THSD7B: variants seen among roughly 807,000 people sequenced by gnomAD.
THSD7B encodes thrombospondin type-1 domain-containing protein 7B.
THSD7B carries 138 observed loss-of-function variants against 213.6 expected under a neutral mutation model. The observed-to-expected ratio is 0.65, with a 90% CI of 0.56 to 0.74. The LOEUF (loss-of-function observed/expected upper bound fraction) is 0.74. THSD7B is among the 30% of genes least tolerant of loss of function. The pLI is 0.00. For missense variants in THSD7B, 1,931 were observed against 1,991.5 expected (o/e 0.97, Z 0.58); for synonymous variants, 742 against 687.0 (o/e 1.08, Z -1.25).
At chr2:137,408,286 C>T (rs957185972) in intron 13 of THSD7B, among the ~76,000 whole-genome samples, 2 of 151,982 alleles carry the variant, frequency 1.3e-5, no homozygotes, top group Non-Finnish European at 2.9e-5. Flanking sequence ...TTTCTTTTTT[C>T]TCCTCCTCCC....
At chr2:137,484,017 TTTTTA>T (rs1319014834) in intron 15 of THSD7B, among the ~76,000 whole-genome samples, 1 of 149,418 alleles carries the variant, frequency 6.7e-6, no homozygotes, top group Non-Finnish European at 1.5e-5. Flanking sequence ...GTTTCTTTTT[TTTTTA>T]TTTTATTATT....
chr2:137,109,243 A>T (rs2104932844), intron 4 of THSD7B, among the ~76,000 whole-genome samples: 1 of 152,202 alleles, frequency 6.6e-6, no homozygotes, highest in Admixed American at 6.5e-5. Flanking sequence ...TTAAAATCAC[A>T]TCATCATGTT....
intron 12 of THSD7B, among the ~76,000 whole-genome samples, chr2:137,291,695 TTACTG>T (rs1683343134): frequency 6.6e-6 from 1 of 152,158 alleles, no homozygotes; most frequent in Non-Finnish European, 1.5e-5. Context: ...TCTATCAGCT[TTACTG>T]TATAGTGTGC....
intron 15 of THSD7B, among the ~76,000 whole-genome samples, chr2:137,553,433 A>G (rs915428030): frequency 6.6e-6 from 1 of 152,208 alleles, no homozygotes; most frequent in Non-Finnish European, 1.5e-5. Context: ...AGTATCAGAA[A>G]GCAGTACTTA....
At chr2:137,105,092 A>G (rs1688221859) in intron 4 of THSD7B, among the ~76,000 whole-genome samples, 1 of 152,230 alleles carries the variant, frequency 6.6e-6, no homozygotes, top group South Asian at 2.1e-4. Context: ...AAAACCTGGC[A>G]GAGACACAAC....
intron 12 of THSD7B, among the ~76,000 whole-genome samples, chr2:137,298,961 G>T (rs1206102700): frequency 1.3e-5 from 2 of 152,150 alleles, no homozygotes; most frequent in Non-Finnish European, 2.9e-5. Context: ...GCACTGCCTA[G>T]TGGAGCTGTG....
intron 15 of THSD7B, among the ~76,000 whole-genome samples, chr2:137,493,459 A>G (rs997332913): frequency 6.6e-6 from 1 of 152,170 alleles, no homozygotes; most frequent in Non-Finnish European, 1.5e-5. Context: ...TTGTCCTAAG[A>G]GCCAAGTCCT....
chr2:137,619,416 G>C (rs1036311052), intron 19 of THSD7B, among the ~76,000 whole-genome samples: 4 of 152,208 alleles, frequency 2.6e-5, no homozygotes, highest in African/African-American at 9.7e-5. Context: ...TAAACCAACA[G>C]AGTAGCTGCA....
intron 7 of THSD7B, among the ~76,000 whole-genome samples, chr2:137,202,709 G>A (rs2217840): frequency 0.59 from 89,894 of 152,050 alleles, 26,939 homozygotes; most frequent in South Asian, 0.71. Flanking sequence ...GGCTCCATGA[G>A]TTGACACAGA....
At chr2:137,582,852 C>A (rs1027843392) in intron 17 of THSD7B, among the ~76,000 whole-genome samples, 1 of 152,102 alleles carries the variant, frequency 6.6e-6, no homozygotes, top group African/African-American at 2.4e-5. Flanking sequence ...TGGGTGTATA[C>A]CCAGTAATGG....
intron 17 of THSD7B, among the ~76,000 whole-genome samples, chr2:137,589,875 A>G (rs2104812105): frequency 6.6e-6 from 1 of 152,272 alleles, no homozygotes; most frequent in Middle Eastern, 3.4e-3. Context: ...CACAATTATT[A>G]TGACTGTTAG....
intron 15 of THSD7B, among the ~76,000 whole-genome samples, chr2:137,498,067 C>T (rs1023556832): frequency 6.6e-6 from 1 of 152,146 alleles, no homozygotes; most frequent in African/African-American, 2.4e-5. Context: ...ATTAAATAAT[C>T]CAAGGCATAT....
At chr2:137,622,005 T>G (rs1056910836) in intron 20 of THSD7B, among the ~76,000 whole-genome samples, 2 of 152,134 alleles carry the variant, frequency 1.3e-5, no homozygotes, top group Non-Finnish European at 2.9e-5. Context: ...GTTGCAGGAA[T>G]GAATCTATCC....
At chr2:136,890,217 G>A (rs1320725260) in intron 2 of THSD7B, among the ~76,000 whole-genome samples, 1 of 151,540 alleles carries the variant, frequency 6.6e-6, no homozygotes, top group Non-Finnish European at 1.5e-5. Flanking sequence ...TATGCTTTGA[G>A]GTAAGCCTGT....
At chr2:137,358,808 A>G (rs1685190619) in intron 12 of THSD7B, among the ~76,000 whole-genome samples, 1 of 152,144 alleles carries the variant, frequency 6.6e-6, no homozygotes, top group Non-Finnish European at 1.5e-5. Flanking sequence ...TTCAATGGCT[A>G]TTTCACCATG....
intron 17 of THSD7B, among the ~76,000 whole-genome samples, chr2:137,582,388 G>T (rs181280889): frequency 1.0e-4 from 15 of 146,142 alleles, no homozygotes; most frequent in South Asian, 8.7e-4. Context: ...TGTGCACAAC[G>T]TGGAGGTTTG....
At chr2:137,274,382 T>G (rs1052221352) in intron 11 of THSD7B, among the ~76,000 whole-genome samples, 9 of 152,108 alleles carry the variant, frequency 5.9e-5, no homozygotes, top group African/African-American at 2.2e-4. Context: ...AAATGCCTAT[T>G]TAATTTGTCA....
chr2:137,045,225 A>G (rs955748461), intron 2 of THSD7B, among the ~76,000 whole-genome samples: 3 of 151,794 alleles, frequency 2.0e-5, no homozygotes, highest in African/African-American at 7.3e-5. Flanking sequence ...TCACCTTTTC[A>G]CTTAAAGCTA....
At chr2:137,282,442 C>A (rs1021263633) in intron 12 of THSD7B, among the ~76,000 whole-genome samples, 1 of 152,134 alleles carries the variant, frequency 6.6e-6, no homozygotes, top group Non-Finnish European at 1.5e-5. Flanking sequence ...GCTTTTGTTG[C>A]CATTGCTTTT....
Sources: gnomAD v4.1 joint callset for allele counts (sites outside exome capture counted in the v4.1 genomes callset) on GRCh38, gnomAD v4.1.1 for gene constraint, MANE v1.5 for transcripts, NCBI Gene and HGNC (gene_info 2026-07-23, HGNC 2026-07-21) for gene names.